TBC1D32: variants seen among roughly 807,000 people sequenced by gnomAD.
The protein encoded by TBC1D32 is protein broad-minded.
Under a neutral mutation model 170.3 loss-of-function variants are expected in TBC1D32, and 151 were observed. The observed-to-expected ratio is 0.89, with a 90% confidence interval of 0.78 to 1.01. The LOEUF is 1.01. Ranked by LOEUF, TBC1D32 falls within the 50% of genes least tolerant of loss-of-function variation. The pLI, the probability that TBC1D32 is intolerant of heterozygous loss-of-function variation, is 0.00. For synonymous variants in TBC1D32, 498 were observed against 488.0 expected (o/e 1.02, Z -0.27); for missense variants, 1,464 against 1,457.1 (o/e 1.00, Z -0.08).
intron 30 of TBC1D32, among the ~76,000 whole-genome samples, chr6:121,100,151 T>C (rs985638080): frequency 6.6e-6 from 1 of 152,138 alleles, no homozygotes; most frequent in African/African-American, 2.4e-5. Context: ...ACAATTTCTG[T>C]TCTTTTACAT....
rs769982883 is a variant in TBC1D32 at position 121,317,515 on chromosome 6, T to C, written c.475A>G (p.Ser159Gly). The C allele has an allele frequency of 1.2e-6, 2 of 1,607,104 alleles. No individual in the cohort carries two copies. Among genetic ancestry groups the C allele is most frequent in the Non-Finnish European group, 8.5e-7 (1 of 1,177,106 alleles). Reference protein sequence around the residue: ...HSYRTDNCSDSDSSLNQSYKF... With the variant: ...HSYRTDNCSDGDSSLNQSYKF... The stretch of plus-strand genomic sequence containing the variant: ...CACACCTGATTCAATGATGAATCAC[T>C]ATCAGAGCAATTGTCTGTGCGGTAA... The change falls in exon 3 of 32, where the codon AGT (serine) becomes GGT (glycine). Residue 159 changes from serine to glycine, a missense_variant. By Grantham distance (56) the Ser-to-Gly change is moderately conservative. Transcript: ENST00000398212.
At chr6:121,211,994 A>AACACACACACAC (rs66924686) in intron 21 of TBC1D32, among the ~76,000 whole-genome samples, 6 of 148,530 alleles carry the variant, frequency 4.0e-5, no homozygotes, top group African/African-American at 1.2e-4. Flanking sequence ...GAACAAACAC[A>AACACACACACAC]ACACACACAC....
intron 21 of TBC1D32, among the ~76,000 whole-genome samples, chr6:121,206,247 C>G (rs1007351111): frequency 1.3e-5 from 2 of 150,816 alleles, no homozygotes; most frequent in African/African-American, 4.9e-5. Context: ...GGCTTTCTTT[C>G]TACAATGCCC....
chr6:121,191,072 T>C (rs1006180920), intron 22 of TBC1D32, among the ~76,000 whole-genome samples: 24 of 152,282 alleles, frequency 1.6e-4, no homozygotes, highest in African/African-American at 3.1e-4. Flanking sequence ...TGCACACATA[T>C]GTATATGTGC....
intron 26 of TBC1D32, among the ~76,000 whole-genome samples, chr6:121,117,336 T>C (rs188414094): frequency 3.9e-5 from 6 of 152,086 alleles, no homozygotes; most frequent in Admixed American, 3.3e-4. Context: ...CAGATAAAAA[T>C]ATGCAAGGAA....
chr6:121,184,789 T>C (rs1168367958), intron 22 of TBC1D32, among the ~76,000 whole-genome samples: 2 of 151,850 alleles, frequency 1.3e-5, no homozygotes, highest in African/African-American at 2.4e-5. Flanking sequence ...TATTCTTATT[T>C]TGTGATCCTC....
At chr6:121,306,794 A>G (rs189981288) in intron 5 of TBC1D32, among the ~76,000 whole-genome samples, 4 of 152,184 alleles carry the variant, frequency 2.6e-5, no homozygotes, top group Admixed American at 6.5e-5. Context: ...AAATAAAATC[A>G]TATCTACTGA....
chr6:121,280,516 T>C (rs925450057), intron 14 of TBC1D32, among the ~76,000 whole-genome samples: 2 of 151,622 alleles, frequency 1.3e-5, no homozygotes, highest in African/African-American at 4.8e-5. Flanking sequence ...TTACATAACA[T>C]GGGAACACAG....
intron 1 of TBC1D32, 25 bp downstream of exon 1, chr6:121,334,251 C>T (rs1238602137): frequency 6.9e-6 from 11 of 1,605,590 alleles, no homozygotes; most frequent in Non-Finnish European, 9.4e-6. Context: ...GGTTTATAGG[C>T]TTAAAACATC....
intron 10 of TBC1D32, among the ~76,000 whole-genome samples, chr6:121,298,153 T>C (rs1011142777): frequency 1.8e-4 from 27 of 152,186 alleles, no homozygotes; most frequent in Middle Eastern, 3.4e-3. Flanking sequence ...AAAATAAATA[T>C]AAAATGAATA....
intron 22 of TBC1D32, among the ~76,000 whole-genome samples, chr6:121,191,562 G>C (rs1387579415): frequency 6.6e-6 from 1 of 152,134 alleles, no homozygotes; most frequent in Non-Finnish European, 1.5e-5. Context: ...GGAGACTATA[G>C]GAGGCCTGCT....
chr6:121,300,786 T>A (rs1806347692), intron 9 of TBC1D32, among the ~76,000 whole-genome samples: 1 of 152,038 alleles, frequency 6.6e-6, no homozygotes, highest in Non-Finnish European at 1.5e-5. Flanking sequence ...TTGCAATCTA[T>A]CCATCTGACA....
intron 24 of TBC1D32, among the ~76,000 whole-genome samples, chr6:121,152,765 G>A (rs1784373746): frequency 6.6e-6 from 1 of 151,868 alleles, no homozygotes; most frequent in South Asian, 2.1e-4. Context: ...TTCAATCCCT[G>A]ATACACTTTC....
At chr6:121,188,267 A>AT in intron 22 of TBC1D32, among the ~76,000 whole-genome samples, 1 of 152,286 alleles carries the variant, frequency 6.6e-6, no homozygotes, top group African/African-American at 2.4e-5. Flanking sequence ...TTAGCAGTAT[A>AT]TTTTTAGGAT....
chr6:121,279,063 C>T, intron 15 of TBC1D32, 58 bp downstream of exon 15: 1 of 1,541,382 alleles, frequency 6.5e-7, no homozygotes, highest in South Asian at 1.3e-5. Context: ...TTATTAGCAG[C>T]TTGTCAGAAA....
intron 9 of TBC1D32, among the ~76,000 whole-genome samples, chr6:121,300,326 A>G (rs1437261352): frequency 6.6e-6 from 1 of 152,108 alleles, no homozygotes; most frequent in Non-Finnish European, 1.5e-5. Flanking sequence ...ATGCATCTGT[A>G]GTCCCAGCTA....
intron 25 of TBC1D32, among the ~76,000 whole-genome samples, chr6:121,129,553 A>G (rs1322745915): frequency 2.6e-5 from 4 of 152,232 alleles, no homozygotes; most frequent in Admixed American, 2.6e-4. Flanking sequence ...TAATATATGA[A>G]GGATGAAATT....
intron 18 of TBC1D32, 59 bp downstream of exon 18, chr6:121,242,142 C>T: frequency 6.5e-7 from 1 of 1,548,000 alleles, no homozygotes. Flanking sequence ...GAATGATGTT[C>T]TTAATGGCTT....
chr6:121,180,366 A>G (rs1392169387), intron 22 of TBC1D32, among the ~76,000 whole-genome samples: 1 of 152,156 alleles, frequency 6.6e-6, no homozygotes, highest in East Asian at 1.9e-4. Context: ...GAAGTTCAAA[A>G]AGTAACAAAA....
Sources: allele counts gnomAD v4.1 joint callset (sites outside exome capture counted in the v4.1 genomes callset), GRCh38; gene constraint gnomAD v4.1.1; transcripts MANE v1.5; gene names NCBI Gene and HGNC (gene_info 2026-07-23, HGNC 2026-07-21).